The following CXCL13 variants were observed in gnomAD, a reference collection of about 807,000 sequenced individuals.
CXCL13 encodes C-X-C motif chemokine 13.
A neutral mutation model predicts 12.2 loss-of-function variants in CXCL13; 7 were observed. The ratio of observed to expected loss-of-function variants is 0.57; its 90% CI spans 0.33 to 1.07. CXCL13 has a LOEUF of 1.07. Ranked by LOEUF, CXCL13 falls within the 50% of genes least tolerant of loss-of-function variation. The probability of loss-of-function intolerance (pLI) is 0.04; values close to 1 mark genes in which losing one functional copy is unlikely to be tolerated. For synonymous variants in CXCL13, 47 were observed against 42.4 expected (o/e 1.11, Z -0.42); for missense variants, 113 against 127.4 (o/e 0.89, Z 0.55).
At chr4:77,564,343 A>G (rs1261693462) in intron 1 of CXCL13, among the ~76,000 whole-genome samples, 1 of 152,228 alleles carries the variant, frequency 6.6e-6, no homozygotes, top group Non-Finnish European at 1.5e-5. Flanking sequence ...GTACATATGC[A>G]GAGGAGCAGG....
intron 1 of CXCL13, among the ~76,000 whole-genome samples, chr4:77,541,353 C>T (rs1188327365): frequency 1.3e-5 from 2 of 152,022 alleles, no homozygotes; most frequent in East Asian, 3.9e-4. Flanking sequence ...AATGGTGGTT[C>T]CTAGGTTTTC....
At chr4:77,589,150 C>T (rs1383604158) in intron 1 of CXCL13, among the ~76,000 whole-genome samples, 17 of 152,260 alleles carry the variant, frequency 1.1e-4, no homozygotes, top group South Asian at 4.1e-4. Context: ...TTTCGCATTC[C>T]GCAGTTTGTT....
intron 1 of CXCL13, among the ~76,000 whole-genome samples, chr4:77,542,162 T>G (rs1428617224): frequency 1.3e-5 from 2 of 152,126 alleles, no homozygotes; most frequent in Non-Finnish European, 2.9e-5. Flanking sequence ...AGAAGACAGA[T>G]AGTTTGACTT....
chr4:77,610,679 T>C lies in CXCL13; in HGVS notation c.263T>C (p.Met88Thr). 2 of 1,612,456 alleles carry C rather than the reference T, an allele frequency of 1.2e-6. No homozygotes were observed. The highest frequency in any genetic ancestry group is 1.1e-5 in the South Asian group (1 of 91,044). ...DPQAEWIQRM[M>T]EVLRKRSSST... is the part of the protein sequence containing the mutation. ...CAAGCTGAATGGATACAAAGAATGA[T>C]GGAAGTATTGAGAAAGTAAGTTAGG... is the stretch of plus-strand genomic sequence containing the variant. Residue 88 changes from methionine to threonine, a missense_variant, in exon 3 of 4, where the codon ATG becomes ACG. By Grantham distance (81) the Met-to-Thr change is moderately conservative. Coordinates refer to ENST00000682537, the MANE Select transcript of CXCL13 (RefSeq NM_001371558.1).
At chr4:77,561,330 T>C (rs1241508088) in intron 1 of CXCL13, among the ~76,000 whole-genome samples, 2 of 152,214 alleles carry the variant, frequency 1.3e-5, no homozygotes, top group Non-Finnish European at 2.9e-5. Flanking sequence ...TTCCTATCAA[T>C]ATTTAAGTTT....
intron 1 of CXCL13, among the ~76,000 whole-genome samples, chr4:77,540,202 G>C (rs1403059546): frequency 6.6e-6 from 1 of 152,000 alleles, no homozygotes; most frequent in Non-Finnish European, 1.5e-5. Flanking sequence ...CTTCATGAGG[G>C]TTCTGCAAGA....
chr4:77,562,340 G>C (rs906269056), intron 1 of CXCL13, among the ~76,000 whole-genome samples: 7 of 152,022 alleles, frequency 4.6e-5, no homozygotes, highest in African/African-American at 1.7e-4. Flanking sequence ...ACAAGGCACG[G>C]GATTGGCAGG....
chr4:77,560,483 G>A (rs959777669), intron 1 of CXCL13, among the ~76,000 whole-genome samples: 9 of 152,156 alleles, frequency 5.9e-5, no homozygotes, highest in African/African-American at 2.2e-4. Context: ...ACAACTTATA[G>A]AATCATTTTA....
At chr4:77,572,706 C>G (rs879233164) in intron 1 of CXCL13, among the ~76,000 whole-genome samples, 1 of 151,888 alleles carries the variant, frequency 6.6e-6, no homozygotes, top group Non-Finnish European at 1.5e-5. Context: ...AACAGAGATA[C>G]CATTTGACCC....
chr4:77,516,891 T>TG (rs1176428699), intron 1 of CXCL13, among the ~76,000 whole-genome samples: 1 of 152,128 alleles, frequency 6.6e-6, no homozygotes, highest in Admixed American at 6.5e-5. Flanking sequence ...TTCTTTTAAT[T>TG]TGATGTTAGG....
chr4:77,577,254 C>T (rs1396601672), intron 1 of CXCL13, among the ~76,000 whole-genome samples: 4 of 152,110 alleles, frequency 2.6e-5, no homozygotes, highest in Non-Finnish European at 5.9e-5. Context: ...CACCAGTTAT[C>T]TGGGTGTGTC....
At chr4:77,582,547 C>T (rs1220973778) in intron 1 of CXCL13, among the ~76,000 whole-genome samples, 1 of 152,012 alleles carries the variant, frequency 6.6e-6, no homozygotes, top group Non-Finnish European at 1.5e-5. Flanking sequence ...AAAATAAAAC[C>T]AGCGTGGGGG....
chr4:77,532,459 C>T (rs1208288577), intron 1 of CXCL13, among the ~76,000 whole-genome samples: 1 of 152,160 alleles, frequency 6.6e-6, no homozygotes, highest in Non-Finnish European at 1.5e-5. Context: ...CCTGACCTTT[C>T]TCTCTGGCTG....
chr4:77,608,116 T>C (rs990313663), intron 2 of CXCL13, among the ~76,000 whole-genome samples: 1 of 152,160 alleles, frequency 6.6e-6, no homozygotes, highest in Non-Finnish European at 1.5e-5. Flanking sequence ...GTTAACTAAC[T>C]GCCTGAGACA....
At chr4:77,592,863 C>T (rs17002732) in intron 1 of CXCL13, among the ~76,000 whole-genome samples, 5,949 of 152,158 alleles carry the variant, frequency 0.039, 370 homozygotes, top group African/African-American at 0.13. Context: ...GGAAATGGGG[C>T]CTCATTGTCC....
At chr4:77,574,166 TG>T (rs1375163265) in intron 1 of CXCL13, among the ~76,000 whole-genome samples, 3 of 152,056 alleles carry the variant, frequency 2.0e-5, no homozygotes, top group African/African-American at 7.3e-5. Context: ...TCTTGGCTCT[TG>T]TTTTTTGTTG....
intron 1 of CXCL13, among the ~76,000 whole-genome samples, chr4:77,548,634 C>A (rs556362185): frequency 3.0e-4 from 46 of 152,272 alleles, no homozygotes; most frequent in Non-Finnish European, 5.9e-4. Flanking sequence ...AGAAAATAAT[C>A]TTTTCGTTAA....
At chr4:77,519,966 T>C (rs1388469408) in intron 1 of CXCL13, among the ~76,000 whole-genome samples, 1 of 152,236 alleles carries the variant, frequency 6.6e-6, no homozygotes, top group Non-Finnish European at 1.5e-5. Context: ...ATTTATTAAA[T>C]AGGGAATGCT....
intron 1 of CXCL13, among the ~76,000 whole-genome samples, chr4:77,544,778 T>C (rs1317138101): frequency 1.3e-5 from 2 of 152,220 alleles, no homozygotes; most frequent in Admixed American, 6.5e-5. Context: ...ATTTTGGCTT[T>C]TGTTGCCATT....
Sources: allele counts gnomAD v4.1 joint callset (sites outside exome capture counted in the v4.1 genomes callset), GRCh38; gene constraint gnomAD v4.1.1; transcripts MANE v1.5; gene names NCBI Gene and HGNC (gene_info 2026-07-23, HGNC 2026-07-21).